TMPRSS9: variants seen among roughly 807,000 people sequenced by gnomAD.
TMPRSS9 encodes the protein transmembrane serine protease 9, also known as transmembrane protease serine 9.
A neutral mutation model predicts 111.4 loss-of-function variants in TMPRSS9; 113 were observed. That is an observed-to-expected ratio of 1.01 (90% confidence interval 0.87 to 1.19). The LOEUF (loss-of-function observed/expected upper bound fraction) is 1.19, where lower values mean the gene tolerates loss of function less well. Ranked by LOEUF, TMPRSS9 falls within the 50% of genes most tolerant of loss-of-function variation. The pLI is 0.00. For missense variants in TMPRSS9, 1,803 were observed against 1,513.1 expected (o/e 1.19, Z -3.18); for synonymous variants, 805 against 659.1 (o/e 1.22, Z -3.39).
intron 11 of TMPRSS9, 102 bp downstream of exon 12, chr19:2,415,943 G>C (rs569387560): frequency 1.1e-5 from 15 of 1,350,734 alleles, no homozygotes; most frequent in Non-Finnish European, 1.4e-5. Flanking sequence ...GACCCCACTG[G>C]GGAGCAGCCC....
intron 14 of TMPRSS9, among the ~76,000 whole-genome samples, chr19:2,423,444 G>A (rs1971511334): frequency 7.1e-6 from 1 of 139,920 alleles, no homozygotes; most frequent in South Asian, 2.4e-4. Context: ...GCTGCTGCGG[G>A]TTGGATGGCG....
chr19:2,383,832 T>A (rs560737205), intron 1 of TMPRSS9, among the ~76,000 whole-genome samples: 1 of 151,588 alleles, frequency 6.6e-6, no homozygotes, highest in South Asian at 2.1e-4. Flanking sequence ...AATAAATAGA[T>A]GTTAATTGTA....
chr19:2,390,230 AGTTTTTTTTTTT>A (rs1480946916), intron 1 of TMPRSS9, among the ~76,000 whole-genome samples: 11 of 125,852 alleles, frequency 8.7e-5, no homozygotes, highest in East Asian at 6.6e-4. Context: ...TACCCAAAGT[AGTTTTTTTTTTT>A]GTTTTTTTTT....
upstream of TMPRSS9, among the ~76,000 whole-genome samples, chr19:2,385,645 A>G (rs1302032378): frequency 5.9e-5 from 9 of 152,112 alleles, no homozygotes. Flanking sequence ...TGAGGCCAGG[A>G]GTTCAAGGCC....
At chr19:2,380,700 A>T (rs1485331430) in intron 1 of TMPRSS9, among the ~76,000 whole-genome samples, 1 of 152,128 alleles carries the variant, frequency 6.6e-6, no homozygotes, top group Non-Finnish European at 1.5e-5. Context: ...TGCTGAGCAG[A>T]AGGCCCAGCT....
intron 12 of TMPRSS9, among the ~76,000 whole-genome samples, chr19:2,417,319 A>G (rs1411703544): frequency 1.3e-5 from 2 of 152,026 alleles, no homozygotes; most frequent in African/African-American, 2.4e-5. Context: ...TACAAAAATT[A>G]GCCGGGTGTG....
chr19:2,417,628 A>G (rs547879349), intron 12 of TMPRSS9, among the ~76,000 whole-genome samples: 1 of 152,262 alleles, frequency 6.6e-6, no homozygotes, highest in African/African-American at 2.4e-5. Context: ...AGCCTGGGCA[A>G]CAGAGCAAGA....
chr19:2,426,047 G>A, exon 18 of TMPRSS9: 3 of 1,609,432 alleles, frequency 1.9e-6, no homozygotes, highest in Non-Finnish European at 2.5e-6. Context: ...TACCCGGGTG[G>A]CAGCTGTGAG....
At chr19:2,379,453 G>A (rs1263842240) in intron 1 of TMPRSS9, among the ~76,000 whole-genome samples, 1 of 151,788 alleles carries the variant, frequency 6.6e-6, no homozygotes. Context: ...CCAAAGTGCT[G>A]GGATTACAGG....
chr19:2,395,102 G>A (rs945213836), intron 1 of TMPRSS9, among the ~76,000 whole-genome samples: 44 of 152,246 alleles, frequency 2.9e-4, no homozygotes, highest in African/African-American at 9.9e-4. Context: ...CCAATGTGGC[G>A]AAACCCCATC....
chr19:2,388,204 C>T (rs990126898), upstream of TMPRSS9, among the ~76,000 whole-genome samples: 1 of 152,096 alleles, frequency 6.6e-6, no homozygotes, highest in African/African-American at 2.4e-5. Flanking sequence ...CCAGCTTGGG[C>T]AGCATAGGAA....
At chr19:2,367,559 TA>T (rs903730622) in intron 1 of TMPRSS9, among the ~76,000 whole-genome samples, 1 of 127,124 alleles carries the variant, frequency 7.9e-6, no homozygotes, top group South Asian at 2.6e-4. Flanking sequence ...CATGACTGGC[TA>T]ATTTTTTTTT....
At chr19:2,390,357 G>C (rs929346559) in intron 1 of TMPRSS9, among the ~76,000 whole-genome samples, 8 of 145,136 alleles carry the variant, frequency 5.5e-5, no homozygotes, top group South Asian at 2.2e-4. Flanking sequence ...GTTCTCCTGT[G>C]TCAGCCTCCC....
At position 2,391,917 on chromosome 19, in the gene TMPRSS9, T is replaced by C. The variant is rs139882750; in HGVS notation, c.142+1990T>C. Among the ~76,000 whole-genome samples, 10 of 152,090 alleles carry C rather than the reference T, an allele frequency of 6.6e-5. No individual in the cohort carries two copies. In the East Asian group the frequency reaches 2.0e-3, roughly 30 times the overall value. Reference sequence around the variant, plus strand: ...CCACTACGCCGAGCTAATTTTTGTATTTTTAGTAGAGATAGGGTTTTGCCA... The same window carrying C: ...CCACTACGCCGAGCTAATTTTTGTACTTTTAGTAGAGATAGGGTTTTGCCA... On this transcript the variant is annotated intron_variant, in intron 1 of 17. Coordinates refer to ENST00000648592, the Ensembl canonical transcript of TMPRSS9.
chr19:2,377,226 C>G (rs1970342632), intron 1 of TMPRSS9, among the ~76,000 whole-genome samples: 1 of 139,596 alleles, frequency 7.2e-6, no homozygotes, highest in Non-Finnish European at 1.5e-5. Context: ...GTTCCTCGTA[C>G]TTTCTTTCTT....
At chr19:2,422,237 C>G (rs1408993878) in exon 14 of TMPRSS9, 2 of 1,508,130 alleles carry the variant, frequency 1.3e-6, no homozygotes, top group Non-Finnish European at 8.8e-7. Flanking sequence ...CCACACACAC[C>G]CAGCTACCAG....
chr19:2,406,576 C>G (rs954979598), intron 7 of TMPRSS9, among the ~76,000 whole-genome samples: 1 of 151,152 alleles, frequency 6.6e-6, no homozygotes, highest in Non-Finnish European at 1.5e-5. Flanking sequence ...CTCAGGTGAT[C>G]CGCCCACCTC....
rs1179774912 is a variant in TMPRSS9 at position 2,425,285 on chromosome 19, C to T, written c.2983+18C>T. ...CGAAGGAGGTAGGCGCGCCCGGGGC[C>T]GCGGTGGTGCGGGGCTCGGGGGGCG... is the stretch of plus-strand genomic sequence containing the variant. On this transcript the variant is annotated intron_variant, in intron 16 of 17. Coordinates refer to ENST00000648592, the Ensembl canonical transcript of TMPRSS9. 6 of 1,229,400 alleles carry T rather than the reference C, an allele frequency of 4.9e-6. No individual in the cohort carries two copies. The highest frequency in any genetic ancestry group is 4.2e-5 in the East Asian group (1 of 23,944). The allele number at this position is 1,229,400 out of a possible 1,614,324, so 76.2% of individuals were successfully genotyped here. A position where few individuals can be genotyped will look rare whatever the true frequency, so the allele number is the denominator to read the frequency against.
intron 8 of TMPRSS9, among the ~76,000 whole-genome samples, chr19:2,409,262 C>CT (rs1971046969): frequency 6.6e-6 from 1 of 150,618 alleles, no homozygotes; most frequent in African/African-American, 2.4e-5. Flanking sequence ...GCCTCAGCCT[C>CT]TGAGTAGCTG....
Sources: gnomAD v4.1 joint callset for allele counts (sites outside exome capture counted in the v4.1 genomes callset) on GRCh38, gnomAD v4.1.1 for gene constraint, MANE v1.5 for transcripts, NCBI Gene and HGNC (gene_info 2026-07-23, HGNC 2026-07-21) for gene names.